The following CCDC149 variants were observed in gnomAD, a reference collection of about 807,000 sequenced individuals.
CCDC149 encodes coiled-coil domain-containing protein 149.
A neutral mutation model predicts 59.9 loss-of-function variants in CCDC149; 45 were observed. The observed-to-expected ratio is 0.75, with a 90% CI of 0.59 to 0.96. The LOEUF (loss-of-function observed/expected upper bound fraction) is 0.96, where lower values mean the gene tolerates loss of function less well. CCDC149 is among the 40% of genes least tolerant of loss of function. The probability of loss-of-function intolerance (pLI) is 0.00; values close to 1 mark genes in which losing one functional copy is unlikely to be tolerated. For missense variants in CCDC149, 584 were observed against 664.7 expected, an observed-to-expected ratio of 0.88 and a Z score of 1.33; for synonymous variants, 245 against 260.6, an observed-to-expected ratio of 0.94 and a Z score of 0.58.
rs1412385046 is a variant in CCDC149 at position 24,819,890 on chromosome 4, C to T, written c.1161G>A (p.Gln387=). Reference sequence around the variant, plus strand: ...TGGGATCTGCTTTGTTCTCAGTGGGCTGCTCGACAAACTTCAGCAGTGGGG... The same window carrying T: ...TGGGATCTGCTTTGTTCTCAGTGGGTTGCTCGACAAACTTCAGCAGTGGGG... Residue 387 remains glutamine, a synonymous_variant, in exon 12 of 13, where the codon CAG becomes CAA. Coordinates refer to ENST00000635206, the MANE Select transcript of CCDC149 (RefSeq NM_001330643.2). The T allele has an allele frequency of 6.4e-7, 1 of 1,551,570 alleles. No homozygotes were observed. Among genetic ancestry groups the T allele is most frequent in the East Asian group, 2.4e-5 (1 of 40,932 alleles).
chr4:24,876,404 C>G, intron 2 of CCDC149, 132 bp downstream of exon 2: 2 of 917,618 alleles, frequency 2.2e-6, no homozygotes, highest in Non-Finnish European at 1.6e-6. Flanking sequence ...GAGGTGGTGA[C>G]TTTTACTTCT....
At chr4:24,956,223 AC>A (rs1723461687) in intron 1 of CCDC149, among the ~76,000 whole-genome samples, 2 of 9,652 alleles carry the variant, frequency 2.1e-4, no homozygotes, top group African/African-American at 1.1e-3. Context: ...CCTAGTTAAC[AC>A]AAACTACACA....
chr4:24,894,956 G>A (rs1169886416), intron 1 of CCDC149: 1 of 1,535,458 alleles, frequency 6.5e-7, no homozygotes. Flanking sequence ...ATAAAACATA[G>A]GCTTAAAGTC....
At position 24,904,043 on chromosome 4, in the gene CCDC149, G is replaced by A. The variant is rs373141655; in HGVS notation, c.63+8774C>T. Among the ~76,000 whole-genome samples, 29 of 151,978 alleles carry A rather than the reference G, an allele frequency of 1.9e-4. No individual in the cohort carries two copies. In the East Asian group the frequency reaches 3.7e-3, roughly 19 times the overall value. On this transcript the variant is annotated intron_variant, in intron 1 of 12. Transcript: ENST00000635206. ...TCGAACTCCTGACCTCAGGTGATCC[G>A]CCCGCCTCAGCCTCCCAAAGTGCTG...
chr4:24,805,906 T>G (rs563171103), downstream of CCDC149, among the ~76,000 whole-genome samples: 5 of 152,184 alleles, frequency 3.3e-5, no homozygotes, highest in Non-Finnish European at 1.5e-5. Flanking sequence ...CCTAGAACCT[T>G]GACAACTTTC....
At chr4:24,952,327 C>T (rs1450628717) in intron 1 of CCDC149, among the ~76,000 whole-genome samples, 1 of 151,928 alleles carries the variant, frequency 6.6e-6, no homozygotes. Flanking sequence ...TAAGGTGGCT[C>T]ATCCCTGTAA....
intron 3 of CCDC149, among the ~76,000 whole-genome samples, chr4:24,856,175 G>T (rs1387298659): frequency 1.3e-5 from 2 of 152,024 alleles, no homozygotes; most frequent in African/African-American, 4.8e-5. Flanking sequence ...CTTGGACACA[G>T]CTGACTCCTT....
At position 24,819,892 on chromosome 4, in the gene CCDC149, G is replaced by A; in HGVS notation, c.1159C>T (p.Gln387Ter). The A allele has an allele frequency of 6.4e-7, 1 of 1,551,678 alleles. No individual in the cohort carries two copies. ...GGATCTGCTTTGTTCTCAGTGGGCT[G>A]CTCGACAAACTTCAGCAGTGGGGAT... Residue 387 changes from glutamine (Q) to a stop codon, truncating the protein, a stop_gained, in exon 12 of 13, where the codon CAG (glutamine) becomes TAG (stop). Transcript: ENST00000635206. LOFTEE classifies it low-confidence loss of function (END_TRUNC).
intron 1 of CCDC149, among the ~76,000 whole-genome samples, chr4:24,934,734 A>G (rs773365836): frequency 6.6e-6 from 1 of 152,210 alleles, no homozygotes; most frequent in African/African-American, 2.4e-5. Context: ...CTAGATGCAC[A>G]CTCTAGACAG....
At chr4:24,962,809 A>G (rs1003921124) in intron 1 of CCDC149, among the ~76,000 whole-genome samples, 7 of 152,174 alleles carry the variant, frequency 4.6e-5, no homozygotes, top group African/African-American at 1.7e-4. Context: ...GGTGCAGCAC[A>G]CCAACATGGC....
At chr4:24,888,458 T>C (rs60429858) in intron 1 of CCDC149, among the ~76,000 whole-genome samples, 2,315 of 152,274 alleles carry the variant, frequency 0.015, 60 homozygotes, top group African/African-American at 0.053. Context: ...GACATTTGTA[T>C]GTTGACCTCA....
chr4:24,853,902 C>T (rs1162393423), intron 3 of CCDC149, among the ~76,000 whole-genome samples: 1 of 152,082 alleles, frequency 6.6e-6, no homozygotes, highest in Non-Finnish European at 1.5e-5. Flanking sequence ...TCTTTATTTC[C>T]TTATTCTACC....
At chr4:24,853,359 G>A in intron 3 of CCDC149, 180 bp from the exon 4 acceptor site, 1 of 584,676 alleles carries the variant, frequency 1.7e-6, no homozygotes, top group Non-Finnish European at 3.0e-6. Context: ...TGGCACGCAG[G>A]AAAATGAAGT....
At chr4:24,890,118 G>C (rs1720443721) in intron 1 of CCDC149, among the ~76,000 whole-genome samples, 1 of 152,150 alleles carries the variant, frequency 6.6e-6, no homozygotes, top group African/African-American at 2.4e-5. Context: ...AGAGTGACAT[G>C]ATGTGGGGTT....
chr4:24,912,791 C>T, intron 1 of CCDC149, 26 bp downstream of exon 1: 1 of 1,294,782 alleles, frequency 7.7e-7, no homozygotes, highest in Non-Finnish European at 9.9e-7. Flanking sequence ...CCGGCCCATC[C>T]CGCCTGGCCG....
At chr4:24,882,893 C>T (rs944461317) in intron 1 of CCDC149, among the ~76,000 whole-genome samples, 1 of 152,222 alleles carries the variant, frequency 6.6e-6, no homozygotes, top group East Asian at 1.9e-4. Context: ...CTTTCTCCAA[C>T]AGTAATTGCC....
intron 1 of CCDC149, among the ~76,000 whole-genome samples, chr4:24,957,135 G>C (rs1222868114): frequency 1.3e-5 from 2 of 152,214 alleles, no homozygotes. Context: ...ACTGGGCTCT[G>C]GTAGAAACTA....
At chr4:24,874,785 A>T (rs534425619) in intron 2 of CCDC149, among the ~76,000 whole-genome samples, 58 of 152,324 alleles carry the variant, frequency 3.8e-4, no homozygotes, top group African/African-American at 1.4e-3. Context: ...ATGCCAGCAC[A>T]GATAGTTAAA....
rs1478754244 is a variant in CCDC149, at chr4:24,819,955, A to C, written c.1096T>G (p.Phe366Val). The change falls in exon 12 of 13, where the codon TTC becomes GTC. Residue 366 changes from phenylalanine to valine, a missense_variant. Coordinates refer to ENST00000635206, the MANE Select transcript of CCDC149 (RefSeq NM_001330643.2). ...CCACTAGGAAGAGTGGGGTCGCTGA[A>C]CAGTATGGTGTCCTTGCCCCCTGTT... 1 of 1,551,488 alleles carries C rather than the reference A, an allele frequency of 6.4e-7. No homozygotes were observed. Among genetic ancestry groups the C allele is most frequent in the Admixed American group, 2.0e-5 (1 of 50,974 alleles).
Sources: allele counts gnomAD v4.1 joint callset (sites outside exome capture counted in the v4.1 genomes callset), GRCh38; gene constraint gnomAD v4.1.1; transcripts MANE v1.5; gene names NCBI Gene and HGNC (gene_info 2026-07-23, HGNC 2026-07-21).